DIAPH3: variants seen among roughly 807,000 people sequenced by gnomAD.
DIAPH3 encodes the protein diaphanous related formin 3, also known as protein diaphanous homolog 3.
Under a neutral mutation model 144.3 loss-of-function variants are expected in DIAPH3, and 117 were observed. The ratio of observed to expected loss-of-function variants is 0.81; its 90% CI spans 0.70 to 0.95. DIAPH3 has a LOEUF of 0.95. Among genes scored for constraint, DIAPH3 ranks in the 40% least tolerant of loss-of-function variants. DIAPH3 has a pLI of 0.00. For missense variants in DIAPH3, 1,421 were observed against 1,412.7 expected, an observed-to-expected ratio of 1.01 and a Z score of -0.09; for synonymous variants, 519 against 488.9, an observed-to-expected ratio of 1.06 and a Z score of -0.81.
chr13:59,887,289 A>C (rs1236961374), intron 20 of DIAPH3, among the ~76,000 whole-genome samples: 1 of 152,050 alleles, frequency 6.6e-6, no homozygotes, highest in African/African-American at 2.4e-5. Context: ...TATTAAGTTC[A>C]GCAATATTTG....
At chr13:60,112,485 A>T (rs1043358989) in intron 2 of DIAPH3, among the ~76,000 whole-genome samples, 2 of 152,214 alleles carry the variant, frequency 1.3e-5, no homozygotes, top group Admixed American at 1.3e-4. Context: ...ATATATTAGC[A>T]AATTAAGCAG....
chr13:60,099,590 A>G (rs1326771473), intron 3 of DIAPH3, among the ~76,000 whole-genome samples: 1 of 152,168 alleles, frequency 6.6e-6, no homozygotes. Flanking sequence ...GTCTCTACCG[A>G]ATGCATGTTG....
At chr13:59,772,896 C>A (rs557014817) in intron 27 of DIAPH3, among the ~76,000 whole-genome samples, 1 of 152,030 alleles carries the variant, frequency 6.6e-6, no homozygotes, top group East Asian at 1.9e-4. Flanking sequence ...GAACCATATT[C>A]TTGTCACAGC....
chr13:59,673,155 C>T (rs1232619381), intron 27 of DIAPH3, among the ~76,000 whole-genome samples: 1 of 152,184 alleles, frequency 6.6e-6, no homozygotes, highest in East Asian at 1.9e-4. Flanking sequence ...CTAAAGAGAA[C>T]AGTAACGTAA....
chr13:59,687,217 T>C (rs965726412), intron 27 of DIAPH3, among the ~76,000 whole-genome samples: 4 of 152,060 alleles, frequency 2.6e-5, no homozygotes, highest in Non-Finnish European at 5.9e-5. Flanking sequence ...CTGATTACAG[T>C]CAAAGCTGCA....
chr13:59,761,985 CAT>C (rs1237196525), intron 27 of DIAPH3, among the ~76,000 whole-genome samples: 3 of 147,240 alleles, frequency 2.0e-5, no homozygotes, highest in African/African-American at 5.0e-5. Flanking sequence ...CTGCTCAAAA[CAT>C]AGTGTCCCCC....
intron 20 of DIAPH3, among the ~76,000 whole-genome samples, chr13:59,882,245 C>T (rs1228132690): frequency 2.0e-5 from 3 of 152,026 alleles, no homozygotes; most frequent in African/African-American, 4.8e-5. Context: ...TGAGCCACCA[C>T]GCCCGGCTAA....
At chr13:60,120,619 T>G (rs1481502640) in intron 2 of DIAPH3, among the ~76,000 whole-genome samples, 1 of 152,222 alleles carries the variant, frequency 6.6e-6, no homozygotes, top group Non-Finnish European at 1.5e-5. Flanking sequence ...CTCTTAAAAT[T>G]TCTTCAATTG....
intron 27 of DIAPH3, among the ~76,000 whole-genome samples, chr13:59,675,979 C>T (rs188986077): frequency 2.6e-4 from 39 of 152,274 alleles, no homozygotes; most frequent in Non-Finnish European, 4.6e-4. Flanking sequence ...ATTTCTGAAG[C>T]CATTTCTAAG....
intron 20 of DIAPH3, among the ~76,000 whole-genome samples, chr13:59,900,827 G>A (rs2046388811): frequency 1.3e-5 from 2 of 152,136 alleles, no homozygotes; most frequent in South Asian, 2.1e-4. Flanking sequence ...CAGACCCTTA[G>A]TTATCTTCCC....
In DIAPH3 at chr13:60,016,149, A is replaced by G. The variant is rs751443322; in HGVS notation, c.627-4T>C. The G allele has an allele frequency of 6.8e-6, 11 of 1,613,420 alleles. No individual in the cohort carries two copies. In the Admixed American group the frequency reaches 1.5e-4, roughly 22 times the overall value. Reference sequence around the variant, plus strand: ...ATGTCCAAAGCTTTCCACCCAACTGAAAAACAGAAAAAAGACAGTTACACA... The same window carrying G: ...ATGTCCAAAGCTTTCCACCCAACTGGAAAACAGAAAAAAGACAGTTACACA... On this transcript the variant is annotated splice_polypyrimidine_tract_variant and splice_region_variant and intron_variant, in intron 5 of 27. Transcript: ENST00000400324.
intron 27 of DIAPH3, among the ~76,000 whole-genome samples, chr13:59,710,834 A>T (rs774806321): frequency 2.6e-5 from 4 of 152,222 alleles, no homozygotes; most frequent in Non-Finnish European, 4.4e-5. Flanking sequence ...CAAATAAACA[A>T]GTTAAAAAAA....
chr13:60,069,445 T>C (rs776785992), intron 4 of DIAPH3, among the ~76,000 whole-genome samples: 2 of 152,186 alleles, frequency 1.3e-5, no homozygotes, highest in African/African-American at 2.4e-5. Flanking sequence ...ACTCTCTTGA[T>C]GGTTTCTTTT....
chr13:60,140,768 G>A (rs2059408599), intron 1 of DIAPH3, among the ~76,000 whole-genome samples: 1 of 151,912 alleles, frequency 6.6e-6, no homozygotes, highest in Non-Finnish European at 1.5e-5. Context: ...AATACAGATT[G>A]TTCCTTTTCA....
intron 22 of DIAPH3, among the ~76,000 whole-genome samples, chr13:59,856,899 T>TAA (rs55944808): frequency 1.4e-4 from 19 of 139,966 alleles, no homozygotes; most frequent in African/African-American, 3.1e-4. Context: ...CAGATATTGG[T>TAA]AAAAAAAAAA....
chr13:59,873,630 C>T (rs978614600), intron 21 of DIAPH3, among the ~76,000 whole-genome samples: 2 of 151,150 alleles, frequency 1.3e-5, no homozygotes, highest in Admixed American at 6.6e-5. Context: ...TTTAGCTTGG[C>T]ATGAGAGGAA....
chr13:59,699,279 G>A (rs1284474422), intron 27 of DIAPH3, among the ~76,000 whole-genome samples: 1 of 152,218 alleles, frequency 6.6e-6, no homozygotes, highest in Non-Finnish European at 1.5e-5. Flanking sequence ...TGTAGGAATA[G>A]ATGGAGTGAG....
rs1020107590 is a variant in DIAPH3, at chr13:59,666,309, A to G, written c.*275T>C. 2.7e-6 allele frequency: 1 copy of G among 371,252 alleles called. No homozygotes were observed. The highest frequency in any genetic ancestry group is 4.7e-6 in the Non-Finnish European group (1 of 210,578). The allele number at this position is 371,252 out of a possible 1,614,324, so 23.0% of individuals were successfully genotyped here. ...GGCCACCTACCTGCTCTCTAAAGCA[A>G]TATGTATAATTTAACCACCAAATAA... On this transcript the variant is annotated 3_prime_UTR_variant, in exon 28 of 28. Coordinates refer to ENST00000400324, the MANE Select transcript of DIAPH3 (RefSeq NM_001042517.2).
At chr13:59,854,753 G>A (rs888065637) in intron 22 of DIAPH3, among the ~76,000 whole-genome samples, 5 of 152,158 alleles carry the variant, frequency 3.3e-5, no homozygotes, top group African/African-American at 9.7e-5. Flanking sequence ...TAGTTCATAG[G>A]TGACACTGAC....
Sources: allele counts gnomAD v4.1 joint callset (sites outside exome capture counted in the v4.1 genomes callset), GRCh38; gene constraint gnomAD v4.1.1; transcripts MANE v1.5; gene names NCBI Gene and HGNC (gene_info 2026-07-23, HGNC 2026-07-21).